Variants in MKRN1 observed in about 807,000 individuals in gnomAD.
The protein encoded by MKRN1 is E3 ubiquitin-protein ligase makorin-1.
A neutral mutation model predicts 55.5 loss-of-function variants in MKRN1; 9 were observed. The observed-to-expected ratio is 0.16, with a 90% CI of 0.10 to 0.28. The LOEUF (loss-of-function observed/expected upper bound fraction) is 0.28. Ranked by LOEUF, MKRN1 falls within the 10% of genes least tolerant of loss-of-function variation. MKRN1 has a pLI of 1.00. For synonymous variants in MKRN1, 253 were observed against 235.9 expected, an observed-to-expected ratio of 1.07 and a Z score of -0.66; for missense variants, 488 against 626.7, an observed-to-expected ratio of 0.78 and a Z score of 2.36.
intron 4 of MKRN1, among the ~76,000 whole-genome samples, chr7:140,457,849 G>C (rs1344099041): frequency 6.6e-6 from 1 of 151,958 alleles, no homozygotes; most frequent in Non-Finnish European, 1.5e-5. Flanking sequence ...TCAATATATA[G>C]ATATAACGTA....
Position 140,471,943 on chromosome 7 carries a change from G to A in MKRN1, c.254C>T (p.Pro85Leu), listed in dbSNP as rs528516903. ...AAAATACTTGCACACTACACTATAC[G>A]GACTGTCAGAGAGGTCATGCGAGTA... ...CRYSHDLSDS[P>L]YSVVCKYFQR... is the part of the protein sequence containing the mutation. Residue 85 changes from proline to leucine, a missense_variant, in exon 2 of 8, where the codon CCG (proline) becomes CTG (leucine). Physicochemically the swap from Pro to Leu is moderately conservative, Grantham distance 98. Coordinates refer to ENST00000255977, the MANE Select transcript of MKRN1 (RefSeq NM_013446.4). 6.8e-6 allele frequency: 11 copies of A among 1,613,834 alleles called. No individual in the cohort carries two copies. In the Admixed American group the frequency reaches 8.3e-5, roughly 12 times the overall value.
intron 4 of MKRN1, among the ~76,000 whole-genome samples, chr7:140,457,778 T>C (rs1208570825): frequency 7.3e-6 from 1 of 136,572 alleles, no homozygotes; most frequent in East Asian, 2.0e-4. Context: ...AAACATGTCT[T>C]TTCCTAAACC....
intron 1 of MKRN1, 144 bp from the exon 2 acceptor site, chr7:140,472,155 C>G: frequency 8.6e-7 from 1 of 1,164,702 alleles, no homozygotes; most frequent in Non-Finnish European, 1.2e-6. Context: ...CATGGTGGCT[C>G]ATGCCTGTAA....
intron 1 of MKRN1, chr7:140,473,780 G>A (rs1795005773): frequency 6.6e-6 from 1 of 151,690 alleles, no homozygotes. Flanking sequence ...ATTACCTGAG[G>A]TTGGGAGTTT....
intron 1 of MKRN1, 162 bp downstream of exon 1, chr7:140,478,998 C>T (rs896196266): frequency 2.3e-6 from 2 of 877,448 alleles, no homozygotes; most frequent in Non-Finnish European, 1.5e-6. Flanking sequence ...TGGGGGAACG[C>T]GGCGGCAGCG....
intron 2 of MKRN1, among the ~76,000 whole-genome samples, chr7:140,467,240 C>G (rs551035890): frequency 3.3e-4 from 50 of 152,128 alleles, no homozygotes; most frequent in African/African-American, 1.2e-3. Context: ...TCCCAAAGTG[C>G]TGGGATTACA....
intron 1 of MKRN1, 168 bp from the exon 2 acceptor site, chr7:140,472,179 G>C (rs1794947990): frequency 8.7e-6 from 8 of 919,182 alleles, no homozygotes; most frequent in Non-Finnish European, 1.3e-5. Context: ...CAGTACCTTT[G>C]GGAGGCTGAG....
intron 1 of MKRN1, chr7:140,473,252 G>C (rs1238595789): frequency 4.5e-6 from 2 of 444,174 alleles, no homozygotes; most frequent in East Asian, 1.4e-4. Flanking sequence ...ACCCCAAGTT[G>C]AGTTTGCCTT....
At chr7:140,463,855 C>G (rs1270155461) in intron 2 of MKRN1, among the ~76,000 whole-genome samples, 2 of 151,976 alleles carry the variant, frequency 1.3e-5, no homozygotes, top group East Asian at 1.9e-4. Flanking sequence ...CGCCACTGCA[C>G]TCCAGCCTGG....
chr7:140,464,666 T>C (rs1221350885), intron 2 of MKRN1, among the ~76,000 whole-genome samples: 1 of 150,678 alleles, frequency 6.6e-6, no homozygotes, highest in African/African-American at 2.4e-5. Context: ...GATCGTGCCA[T>C]TGCACTCCAG....
At chr7:140,470,499 C>A (rs910475908) in intron 2 of MKRN1, among the ~76,000 whole-genome samples, 1 of 151,796 alleles carries the variant, frequency 6.6e-6, no homozygotes, top group Non-Finnish European at 1.5e-5. Flanking sequence ...GCAGGAGAAT[C>A]GCTTGAACCC....
intron 1 of MKRN1, among the ~76,000 whole-genome samples, chr7:140,476,610 G>C (rs1365937733): frequency 2.7e-5 from 4 of 149,098 alleles, no homozygotes; most frequent in Non-Finnish European, 4.4e-5. Context: ...GGTAATTCTA[G>C]GTATATGACT....
At chr7:140,463,407 T>G (rs1392464367) in intron 2 of MKRN1, among the ~76,000 whole-genome samples, 1 of 152,192 alleles carries the variant, frequency 6.6e-6, no homozygotes, top group Non-Finnish European at 1.5e-5. Context: ...ATCTAACTCT[T>G]CAGACTTACA....
At position 140,459,244 on chromosome 7, in the gene MKRN1, G is replaced by T. The variant is rs1364927057; in HGVS notation, c.545-11C>A. The T allele has an allele frequency of 6.2e-6, 10 of 1,613,298 alleles. No individual in the cohort carries two copies. The highest frequency in any genetic ancestry group is 7.6e-6 in the Non-Finnish European group (9 of 1,179,516). On this transcript the variant is annotated splice_polypyrimidine_tract_variant and intron_variant, in intron 3 of 7. Transcript: ENST00000255977. Reference sequence around the variant, plus strand: ...TGCAGGAAGGCGCAGCTGAAAATGTGTAAGAGGGTGGTAAAGGTCCAAATA... The same window carrying T: ...TGCAGGAAGGCGCAGCTGAAAATGTTTAAGAGGGTGGTAAAGGTCCAAATA...
In MKRN1 at chr7:140,454,130, A is replaced by G. The variant is rs1408408902; in HGVS notation, c.*387T>C. 4.6e-5 allele frequency: 13 copies of G among 279,914 alleles called. No individual in the cohort carries two copies. Among genetic ancestry groups the G allele is most frequent in the Non-Finnish European group, 6.3e-5 (9 of 142,448 alleles). 17.3% of individuals were successfully genotyped at this position (279,914 alleles called of 1,614,324 possible). ...TTGGCCAGCTTAGGTCCCTTCACCCATCACTCCTATTCTTGGACCCCAAAG... is the reference window on the plus strand; with the variant it reads ...TTGGCCAGCTTAGGTCCCTTCACCCGTCACTCCTATTCTTGGACCCCAAAG... On this transcript the variant is annotated 3_prime_UTR_variant, in exon 8 of 8. Transcript: ENST00000255977.
intron 1 of MKRN1, 176 bp downstream of exon 1, chr7:140,478,984 T>C (rs1474373208): frequency 1.3e-6 from 1 of 764,050 alleles, no homozygotes. Flanking sequence ...GTTGACGCAG[T>C]GACTGGGGGA....
rs888507374 is a variant in MKRN1 at position 140,479,385 on chromosome 7, G to A, written c.-41C>T. 58 of 1,277,508 alleles carry A rather than the reference G, an allele frequency of 4.5e-5. No homozygotes were observed. The highest frequency in any genetic ancestry group is 5.7e-5 in the Non-Finnish European group (57 of 1,005,692). 79.1% of individuals were successfully genotyped at this position (1,277,508 alleles called of 1,614,324 possible). On this transcript the variant is annotated 5_prime_UTR_variant, in exon 1 of 8. Coordinates refer to ENST00000255977, the MANE Select transcript of MKRN1 (RefSeq NM_013446.4). ...ACAGCAAAGGCCCCGGAACTTCCGG[G>A]ATCACATAGTTCCGGTCCGGCTGCG...
intron 3 of MKRN1, 72 bp from the exon 4 acceptor site, chr7:140,459,305 A>C (rs1481026519): frequency 6.9e-7 from 1 of 1,458,308 alleles, no homozygotes; most frequent in East Asian, 2.3e-5. Context: ...TGAGAATCTA[A>C]CCGCAAAAAA....
intron 1 of MKRN1, chr7:140,473,132 T>C (rs1056343627): frequency 2.2e-5 from 8 of 370,182 alleles, no homozygotes; most frequent in Non-Finnish European, 4.1e-5. Flanking sequence ...AAAAAAGATA[T>C]AGTCTACGTC....
Sources: allele counts gnomAD v4.1 joint callset (sites outside exome capture counted in the v4.1 genomes callset), GRCh38; gene constraint gnomAD v4.1.1; transcripts MANE v1.5; gene names NCBI Gene and HGNC (gene_info 2026-07-23, HGNC 2026-07-21).